The following RYR2 variants were observed in gnomAD, a reference collection of about 807,000 sequenced individuals.
RYR2 encodes the protein ryanodine receptor 2.
In RYR2, 227 loss-of-function variants were observed where a neutral mutation model predicts 601.1. The observed-to-expected ratio is 0.38, with a 90% CI of 0.34 to 0.42. RYR2 has a LOEUF of 0.42. RYR2 is among the 10% of genes least tolerant of loss of function. The pLI, the probability that RYR2 is intolerant of heterozygous loss-of-function variation, is 1.00. For missense variants in RYR2, 4,646 were observed against 6,156.5 expected (o/e 0.75, Z 8.21); for synonymous variants, 2,223 against 2,175.1 (o/e 1.02, Z -0.61).
intron 1 of RYR2, among the ~76,000 whole-genome samples, chr1:237,195,860 C>T (rs888190701): frequency 6.6e-6 from 1 of 152,164 alleles, no homozygotes; most frequent in African/African-American, 2.4e-5. Context: ...AAGTAATGAG[C>T]ACTCAACCGA....
At chr1:237,786,478 C>T (rs1373088236) in intron 91 of RYR2, among the ~76,000 whole-genome samples, 1 of 152,174 alleles carries the variant, frequency 6.6e-6, no homozygotes, top group African/African-American at 2.4e-5. Context: ...GACCCAGGAC[C>T]ACATGCATAA....
chr1:237,107,895 C>T (rs561421332), intron 1 of RYR2, among the ~76,000 whole-genome samples: 8 of 152,288 alleles, frequency 5.3e-5, no homozygotes, highest in African/African-American at 1.7e-4. Context: ...TTCACATGCC[C>T]TCATCTTCCT....
At chr1:237,559,135 TAAG>T (rs1671201040) in intron 27 of RYR2, among the ~76,000 whole-genome samples, 1 of 151,794 alleles carries the variant, frequency 6.6e-6, no homozygotes, top group South Asian at 2.1e-4. Context: ...GCTGGGATAA[TAAG>T]AATACTGGCA....
At chr1:237,449,894 G>C (rs1558838052) in intron 14 of RYR2, among the ~76,000 whole-genome samples, 1 of 151,926 alleles carries the variant, frequency 6.6e-6, no homozygotes, top group Non-Finnish European at 1.5e-5. Flanking sequence ...TTATATTCCT[G>C]TAAATATTCT....
At position 237,043,234 on chromosome 1, in the gene RYR2, C is replaced by G. The variant is rs557025647; in HGVS notation, c.48+665C>G. 6.5e-4 allele frequency among the ~76,000 whole-genome samples: 99 copies of G among 152,198 alleles called. No homozygotes were observed. In the Middle Eastern group the frequency reaches 0.01, roughly 16 times the overall value. On this transcript the variant is annotated intron_variant, in intron 1 of 104. Transcript: ENST00000366574. ...CGCGGTTCCCGGGGCTGGTGCCATC[C>G]GTGGTGGTGCTGTGACCGCTTGCAA...
At chr1:237,193,928 C>T (rs1680283797) in intron 1 of RYR2, among the ~76,000 whole-genome samples, 1 of 152,186 alleles carries the variant, frequency 6.6e-6, no homozygotes, top group Non-Finnish European at 1.5e-5. Flanking sequence ...GATTGCCTTT[C>T]TCTTGCGTCA....
intron 1 of RYR2, among the ~76,000 whole-genome samples, chr1:237,238,887 A>T (rs1306175795): frequency 6.6e-6 from 1 of 152,210 alleles, no homozygotes; most frequent in Non-Finnish European, 1.5e-5. Flanking sequence ...GATAAAAGGT[A>T]CGAACCCAAT....
intron 1 of RYR2, among the ~76,000 whole-genome samples, chr1:237,107,345 C>T (rs1558245036): frequency 6.6e-6 from 1 of 150,548 alleles, no homozygotes; most frequent in Admixed American, 6.6e-5. Context: ...CACGGTGAAA[C>T]CCCGTCTCTA....
chr1:237,786,695 C>T (rs1216228974), intron 91 of RYR2, among the ~76,000 whole-genome samples: 1 of 152,254 alleles, frequency 6.6e-6, no homozygotes, highest in East Asian at 1.9e-4. Flanking sequence ...TCGAAGCCTA[C>T]ATCTTTCTCC....
intron 58 of RYR2, among the ~76,000 whole-genome samples, chr1:237,668,454 A>G (rs1269031775): frequency 6.6e-6 from 1 of 152,132 alleles, no homozygotes; most frequent in African/African-American, 2.4e-5. Flanking sequence ...TATTTTCTTC[A>G]GTTTAACGTA....
intron 2 of RYR2, among the ~76,000 whole-genome samples, chr1:237,292,343 C>A (rs1692317010): frequency 6.6e-6 from 1 of 151,992 alleles, no homozygotes; most frequent in African/African-American, 2.4e-5. Context: ...TTAAAATTTG[C>A]AAAATAGGTA....
intron 39 of RYR2, 107 bp from the exon 40 acceptor site, chr1:237,625,554 T>G: frequency 9.1e-7 from 1 of 1,103,674 alleles, no homozygotes; most frequent in Non-Finnish European, 1.3e-6. Flanking sequence ...TAGATGTTTT[T>G]GACATTGTTC....
At position 237,557,327 on chromosome 1, in the gene RYR2, C is replaced by T. The variant is rs1457625688; in HGVS notation, c.3214+6636C>T. On this transcript the variant is annotated intron_variant, in intron 27 of 104. Coordinates refer to ENST00000366574, the MANE Select transcript of RYR2 (RefSeq NM_001035.3). Reference sequence around the variant, plus strand: ...AGTGAACCACTAAATGAAGCCCACACTTTTTGAATGGAGGTGTACTCAAGT... The same window carrying T: ...AGTGAACCACTAAATGAAGCCCACATTTTTTGAATGGAGGTGTACTCAAGT... Among the ~76,000 whole-genome samples, 12 of 152,284 alleles carry T rather than the reference C, an allele frequency of 7.9e-5. No individual in the cohort carries two copies. The South Asian group carries it at 2.3e-3, about 29-fold the overall frequency.
chr1:237,149,956 A>G (rs752816731), intron 1 of RYR2, among the ~76,000 whole-genome samples: 8 of 152,190 alleles, frequency 5.3e-5, no homozygotes, highest in Non-Finnish European at 1.2e-4. Context: ...TTTGTGTTAT[A>G]AGATGAGTTT....
chr1:237,431,781 GC>G (rs1034929767), intron 12 of RYR2, among the ~76,000 whole-genome samples: 1 of 152,124 alleles, frequency 6.6e-6, no homozygotes, highest in African/African-American at 2.4e-5. Flanking sequence ...ATAGTGCAGT[GC>G]CTGACACTTA....
Position 237,184,770 on chromosome 1 carries a change from A to T in RYR2, c.49-85727A>T, listed in dbSNP as rs1454164906. 9.2e-5 allele frequency among the ~76,000 whole-genome samples: 14 copies of T among 152,114 alleles called. No homozygotes were observed. In the South Asian group the frequency reaches 2.7e-3, roughly 29 times the overall value. On this transcript the variant is annotated intron_variant, in intron 1 of 104. Transcript: ENST00000366574. Reference sequence around the variant, plus strand: ...TTCTAGCATAAATTTATTAGGTTTTAAATTTTTTTAATTAAAAGTATACAG... The same window carrying T: ...TTCTAGCATAAATTTATTAGGTTTTTAATTTTTTTAATTAAAAGTATACAG...
At chr1:237,178,841 C>T (rs747466779) in intron 1 of RYR2, among the ~76,000 whole-genome samples, 5 of 152,116 alleles carry the variant, frequency 3.3e-5, no homozygotes, top group African/African-American at 9.6e-5. Context: ...TGCTTTCAAC[C>T]TTTAGGTTCT....
In RYR2 at chr1:237,617,398, G is replaced by A. The variant is rs2148614129; in HGVS notation, c.5828G>A (p.Arg1943Gln). The change falls in exon 38 of 105, where the codon CGA becomes CAA. Residue 1943 changes from arginine (R) to glutamine (Q), a missense_variant. By Grantham distance (43) the Arg-to-Gln change is conservative. Coordinates refer to ENST00000366574, the MANE Select transcript of RYR2 (RefSeq NM_001035.3). ...AAGCTCCAAGACAATCAACGTTTCC[G>A]ATACAACGAAGTCATGCAAGCCTTA... The part of the protein sequence containing the change: ...VAKLQDNQRF[R>Q]YNEVMQALNM... The A allele has an allele frequency of 1.2e-6, 2 of 1,613,898 alleles. No homozygotes were observed. The highest frequency in any genetic ancestry group is 1.7e-6 in the Non-Finnish European group (2 of 1,179,862).
rs775110847 is a variant in RYR2 at position 237,417,007 on chromosome 1, T to C, written c.774-42T>C. 4 of 1,562,702 alleles carry C rather than the reference T, an allele frequency of 2.6e-6. No homozygotes were observed. In the Admixed American group the frequency reaches 6.7e-5, roughly 26 times the overall value. On this transcript the variant is annotated intron_variant, in intron 10 of 104. Transcript: ENST00000366574. Reference sequence around the variant, plus strand: ...AAATTAGAGTCCAAAGAATGAAACATGTTTAACTCACATTTGGGCTTTTGT... The same window carrying C: ...AAATTAGAGTCCAAAGAATGAAACACGTTTAACTCACATTTGGGCTTTTGT...
Sources: gnomAD v4.1 joint callset for allele counts (sites outside exome capture counted in the v4.1 genomes callset) on GRCh38, gnomAD v4.1.1 for gene constraint, MANE v1.5 for transcripts, NCBI Gene and HGNC (gene_info 2026-07-23, HGNC 2026-07-21) for gene names.